The following FBXL7 variants were observed in gnomAD, a reference collection of about 807,000 sequenced individuals.
FBXL7 encodes F-box/LRR-repeat protein 7.
FBXL7 carries 12 observed loss-of-function variants against 38.3 expected under a neutral mutation model. The ratio of observed to expected loss-of-function variants is 0.31; its 90% CI spans 0.20 to 0.51. The LOEUF (loss-of-function observed/expected upper bound fraction) is 0.51, where lower values mean the gene tolerates loss of function less well. Ranked by LOEUF, FBXL7 falls within the 20% of genes least tolerant of loss-of-function variation. The pLI is 0.98. For missense variants in FBXL7, 567 were observed against 676.4 expected (o/e 0.84, Z 1.79); for synonymous variants, 297 against 300.9 (o/e 0.99, Z 0.13).
At chr5:15,681,617 G>A (rs973579709) in intron 2 of FBXL7, among the ~76,000 whole-genome samples, 1 of 152,126 alleles carries the variant, frequency 6.6e-6, no homozygotes, top group Non-Finnish European at 1.5e-5. Flanking sequence ...CTGCTTTTAG[G>A]TATGTGTTCT....
chr5:15,574,371 A>G (rs1738890046), intron 1 of FBXL7, among the ~76,000 whole-genome samples: 1 of 152,212 alleles, frequency 6.6e-6, no homozygotes, highest in Non-Finnish European at 1.5e-5. Context: ...TCAACCTAAT[A>G]TTCAGTGTAA....
chr5:15,564,292 A>G (rs1738499199), intron 1 of FBXL7, among the ~76,000 whole-genome samples: 1 of 152,030 alleles, frequency 6.6e-6, no homozygotes, highest in South Asian at 2.1e-4. Flanking sequence ...ATTTTAGTAT[A>G]GTCATTCTTA....
At chr5:15,728,234 G>A (rs1180705335) in intron 2 of FBXL7, among the ~76,000 whole-genome samples, 1 of 151,688 alleles carries the variant, frequency 6.6e-6, no homozygotes, top group African/African-American at 2.4e-5. Flanking sequence ...ACTTCTGTTG[G>A]TTTGTTTTTT....
chr5:15,567,242 A>T (rs1738607155), intron 1 of FBXL7, among the ~76,000 whole-genome samples: 1 of 152,134 alleles, frequency 6.6e-6, no homozygotes, highest in South Asian at 2.1e-4. Context: ...GTGTAAGATG[A>T]AGGGAGTTAT....
chr5:15,599,580 TGA>T (rs1302687986), intron 1 of FBXL7, among the ~76,000 whole-genome samples: 1 of 152,164 alleles, frequency 6.6e-6, no homozygotes, highest in Non-Finnish European at 1.5e-5. Flanking sequence ...GTGAAGAATG[TGA>T]GTGTGGAAAG....
chr5:15,567,520 G>A (rs969351), intron 1 of FBXL7, among the ~76,000 whole-genome samples: 79,087 of 151,720 alleles, frequency 0.52, 21,078 homozygotes, highest in African/African-American at 0.62. Context: ...TTCAGTGACC[G>A]TTACTTGGGA....
At chr5:15,563,596 C>A (rs1037794422) in intron 1 of FBXL7, among the ~76,000 whole-genome samples, 1 of 152,018 alleles carries the variant, frequency 6.6e-6, no homozygotes, top group African/African-American at 2.4e-5. Context: ...AGGATGTCAT[C>A]CCTCCTTCCT....
At chr5:15,620,994 T>A (rs1740623139) in intron 2 of FBXL7, among the ~76,000 whole-genome samples, 1 of 152,208 alleles carries the variant, frequency 6.6e-6, no homozygotes, top group African/African-American at 2.4e-5. Context: ...GATCTTCCTG[T>A]CTATCCAGTG....
chr5:15,704,606 C>A (rs1451187813), intron 2 of FBXL7, among the ~76,000 whole-genome samples: 2 of 152,158 alleles, frequency 1.3e-5, no homozygotes, highest in Non-Finnish European at 2.9e-5. Context: ...TGGCAGGGTC[C>A]AAGTCAGGAT....
At chr5:15,547,060 C>T (rs1414699809) in intron 1 of FBXL7, among the ~76,000 whole-genome samples, 1 of 152,136 alleles carries the variant, frequency 6.6e-6, no homozygotes, top group Non-Finnish European at 1.5e-5. Context: ...AGAGGTGAGA[C>T]CTGGGTCAGA....
At chr5:15,717,725 G>A (rs1744081804) in intron 2 of FBXL7, among the ~76,000 whole-genome samples, 1 of 152,128 alleles carries the variant, frequency 6.6e-6, no homozygotes, top group Admixed American at 6.5e-5. Flanking sequence ...GAATCTAAGT[G>A]TGAGAATCAA....
At chr5:15,508,564 G>A (rs926228327) in intron 1 of FBXL7, among the ~76,000 whole-genome samples, 5 of 152,162 alleles carry the variant, frequency 3.3e-5, no homozygotes, top group African/African-American at 1.2e-4. Context: ...AGGAGGTTGT[G>A]CTAGAGATTT....
intron 2 of FBXL7, among the ~76,000 whole-genome samples, chr5:15,726,058 G>A (rs999753213): frequency 2.6e-5 from 4 of 152,112 alleles, no homozygotes; most frequent in Admixed American, 2.6e-4. Flanking sequence ...GATATTAGAT[G>A]TATGAAAGTT....
Position 15,939,018 on chromosome 5 carries a change from C to A in FBXL7, c.*1832C>A, listed in dbSNP as rs1742274829. ...ATGCTGAATTTGTCAAACTTAGACA[C>A]CCTTGACAACTGCACTCCTACTGTA... On this transcript the variant is annotated 3_prime_UTR_variant, in exon 4 of 4. Coordinates refer to ENST00000504595, the MANE Select transcript of FBXL7 (RefSeq NM_012304.5). 1 of 399,058 alleles carries A rather than the reference C, an allele frequency of 2.5e-6. No individual in the cohort carries two copies. The highest frequency in any genetic ancestry group is 4.4e-6 in the Non-Finnish European group (1 of 226,060). The allele number at this position is 399,058 out of a possible 1,614,324, so 24.7% of individuals were successfully genotyped here.
At chr5:15,883,814 T>C (rs1053574290) in intron 2 of FBXL7, among the ~76,000 whole-genome samples, 7 of 152,244 alleles carry the variant, frequency 4.6e-5, no homozygotes, top group Admixed American at 4.6e-4. Context: ...AGAGATAATC[T>C]GTAAATACCA....
chr5:15,815,582 A>G (rs1004923776), intron 2 of FBXL7, among the ~76,000 whole-genome samples: 1 of 152,188 alleles, frequency 6.6e-6, no homozygotes, highest in African/African-American at 2.4e-5. Context: ...CTGGAACATT[A>G]AAGAATCTAC....
intron 2 of FBXL7, among the ~76,000 whole-genome samples, chr5:15,871,408 C>T (rs1370124011): frequency 6.6e-6 from 1 of 152,126 alleles, no homozygotes; most frequent in African/African-American, 2.4e-5. Context: ...CAAAAGATCA[C>T]AACTCCTTGC....
intron 2 of FBXL7, among the ~76,000 whole-genome samples, chr5:15,711,660 C>G: frequency 6.6e-6 from 1 of 152,094 alleles, no homozygotes; most frequent in Non-Finnish European, 1.5e-5. Context: ...AATGGCATCC[C>G]TACAATGGGG....
At chr5:15,835,083 A>T (rs762690325) in intron 2 of FBXL7, among the ~76,000 whole-genome samples, 2 of 152,196 alleles carry the variant, frequency 1.3e-5, no homozygotes. Context: ...CTTATCAGGG[A>T]TATACACCAT....
Sources: gnomAD v4.1 joint callset for allele counts (sites outside exome capture counted in the v4.1 genomes callset) on GRCh38, gnomAD v4.1.1 for gene constraint, MANE v1.5 for transcripts, NCBI Gene and HGNC (gene_info 2026-07-23, HGNC 2026-07-21) for gene names.